NOM1: variants seen among roughly 807,000 people sequenced by gnomAD.
The protein encoded by NOM1 is nucleolar protein with MIF4G domain 1.
A neutral mutation model predicts 73.3 loss-of-function variants in NOM1; 58 were observed. That is an observed-to-expected ratio of 0.79 (90% CI 0.64 to 0.99). The LOEUF (loss-of-function observed/expected upper bound fraction) is 0.99. Among genes scored for constraint, NOM1 ranks in the 50% least tolerant of loss-of-function variants. NOM1 has a pLI of 0.00. For missense variants in NOM1, 1,226 were observed against 1,131.9 expected (o/e 1.08, Z -1.19); for synonymous variants, 487 against 446.8 (o/e 1.09, Z -1.14).
chr7:156,953,567 T>C (rs1462529726), intron 2 of NOM1, among the ~76,000 whole-genome samples: 1 of 152,062 alleles, frequency 6.6e-6, no homozygotes, highest in Non-Finnish European at 1.5e-5. Context: ...TTTCCTGTTA[T>C]CCTGGGAATT....
intron 1 of NOM1, 64 bp downstream of exon 1, chr7:156,950,788 G>T: frequency 7.1e-7 from 1 of 1,409,148 alleles, no homozygotes; most frequent in Non-Finnish European, 9.6e-7. Context: ...CAGGGAATGG[G>T]GCGTGAGGCA....
intron 5 of NOM1, among the ~76,000 whole-genome samples, 198 bp downstream of exon 5, chr7:156,962,459 C>G (rs1041867916): frequency 6.6e-6 from 1 of 152,162 alleles, no homozygotes; most frequent in Admixed American, 6.5e-5. Context: ...GCAGAATGTC[C>G]GTGTGTGGGG....
At chr7:156,960,915 A>G (rs917358624) in intron 4 of NOM1, among the ~76,000 whole-genome samples, 1 of 152,062 alleles carries the variant, frequency 6.6e-6, no homozygotes, top group African/African-American at 2.4e-5. Context: ...GTCAGAAGTG[A>G]CCAGACCTCA....
rs559090008 is a variant in NOM1 at position 156,969,638 on chromosome 7, G to A, written c.2518G>A (p.Val840Met). 22 of 1,613,780 alleles carry A rather than the reference G, an allele frequency of 1.4e-5. No individual in the cohort carries two copies. In the Admixed American group the frequency reaches 2.0e-4, roughly 15 times the overall value. ...CCACAGAAGCGCCGACGAAGCCAAC[G>A]TGCTGAGAGAGAAAGCTGACCTTGC... is the stretch of plus-strand genomic sequence containing the variant. ...QAHRSADEAN[V>M]LREKADLATK... Residue 840 changes from valine (V) to methionine (M), a missense_variant, in exon 11 of 11, where the codon GTG becomes ATG. Coordinates refer to ENST00000275820, the MANE Select transcript of NOM1 (RefSeq NM_138400.2).
In NOM1 at chr7:156,962,954, G is replaced by A. The variant is rs1028363306; in HGVS notation, c.1744-54G>A. ...AAACAAAAAGCCACCGGTGATGGAA[G>A]GACGGAATATGAACCAATTAAAAGC... On this transcript the variant is annotated intron_variant, in intron 5 of 10. Transcript: ENST00000275820. 3 of 1,559,506 alleles carry A rather than the reference G, an allele frequency of 1.9e-6. No homozygotes were observed. In the East Asian group the frequency reaches 6.8e-5, roughly 36 times the overall value.
chr7:156,957,130 A>G (rs937064473), intron 3 of NOM1, among the ~76,000 whole-genome samples: 6 of 152,252 alleles, frequency 3.9e-5, no homozygotes, highest in Non-Finnish European at 8.8e-5. Flanking sequence ...TCATTACAGT[A>G]CTTTAGTTAA....
chr7:156,951,860 C>T (rs937271299), intron 1 of NOM1, among the ~76,000 whole-genome samples: 1 of 152,046 alleles, frequency 6.6e-6, no homozygotes, highest in Non-Finnish European at 1.5e-5. Context: ...GCGCCCACCA[C>T]CATGCCCGGC....
intron 3 of NOM1, chr7:156,958,604 A>G (rs1804785187): frequency 6.6e-6 from 1 of 152,214 alleles, no homozygotes; most frequent in Non-Finnish European, 1.5e-5. Context: ...TCTTTTACAC[A>G]GTGAAAAAAC....
At position 156,966,405 on chromosome 7, in the gene NOM1, A is replaced by G; in HGVS notation, c.2166+3A>G. 1 of 1,614,096 alleles carries G rather than the reference A, an allele frequency of 6.2e-7. No homozygotes were observed. On this transcript the variant is annotated splice_donor_region_variant and intron_variant, in intron 8 of 10. Coordinates refer to ENST00000275820, the MANE Select transcript of NOM1 (RefSeq NM_138400.2). ...GTGAATATGAAAGGAGATTTCAGGTAGCTTAGTGCGGAGGCACCAGTTACG... is the reference window on the plus strand; with the variant it reads ...GTGAATATGAAAGGAGATTTCAGGTGGCTTAGTGCGGAGGCACCAGTTACG...
At chr7:156,968,241 A>G (rs547128342) in intron 9 of NOM1, among the ~76,000 whole-genome samples, 1 of 152,124 alleles carries the variant, frequency 6.6e-6, no homozygotes, top group Non-Finnish European at 1.5e-5. Flanking sequence ...CATTGCGCTC[A>G]TCCTGGAACA....
chr7:156,950,812 C>T, intron 1 of NOM1, 88 bp downstream of exon 1: 1 of 1,164,958 alleles, frequency 8.6e-7, no homozygotes, highest in Non-Finnish European at 1.2e-6. Flanking sequence ...ATGACACAGA[C>T]TTGGTGTCTT....
At position 156,950,608 on chromosome 7, in the gene NOM1, CAG is replaced by C. The variant is rs779388601; in HGVS notation, c.872_873del (p.Gln291ArgfsTer23). 64 of 1,572,864 alleles carry C rather than the reference CAG, an allele frequency of 4.1e-5. No homozygotes were observed. Among genetic ancestry groups the C allele is most frequent in the Admixed American group, 5.7e-5 (3 of 52,390 alleles). On this transcript the variant is annotated frameshift_variant, in exon 1 of 11. Transcript: ENST00000275820. LOFTEE classifies it high-confidence loss of function. Reference sequence around the variant, plus strand: ...CGACGACGAGGATACAGAAGAGGAACAGGGGGAAGAAAAGGAAAAGGGAGCGC... The same window carrying C: ...CGACGACGAGGATACAGAAGAGGAACGGGGAAGAAAAGGAAAAGGGAGCGC... ...EDDDEDTEEE[Q>X]GEEKEKGAQE...
At chr7:156,959,163 C>T (rs952674143) in intron 3 of NOM1, among the ~76,000 whole-genome samples, 10 of 151,354 alleles carry the variant, frequency 6.6e-5, no homozygotes, top group African/African-American at 1.9e-4. Flanking sequence ...AGTACAGTGG[C>T]GCAATCTCAG....
rs768902140 is a variant in NOM1 at position 156,950,481 on chromosome 7, A to G, written c.744A>G (p.Glu248=). 6.8e-6 allele frequency: 11 copies of G among 1,613,982 alleles called. No individual in the cohort carries two copies. In the South Asian group the frequency reaches 1.2e-4, roughly 18 times the overall value. The change falls in exon 1 of 11, where the codon GAA becomes GAG. Residue 248 remains glutamate, a synonymous_variant. Transcript: ENST00000275820. ...AAGATGCCGGACAGACACTCCCCGA[A>G]AGTGACTTAGAGAGTGACTCCCAGG... The part of the protein sequence containing the change: ...EEEDAGQTLP[E]SDLESDSQDE...
At chr7:156,964,862 TGAG>T (rs1276814725) in intron 7 of NOM1, among the ~76,000 whole-genome samples, 1 of 152,220 alleles carries the variant, frequency 6.6e-6, no homozygotes, top group African/African-American at 2.4e-5. Context: ...AGGGCTCTTT[TGAG>T]GAGAACTCTT....
chr7:156,959,253 C>T (rs1586569519), intron 3 of NOM1, among the ~76,000 whole-genome samples: 1 of 150,616 alleles, frequency 6.6e-6, no homozygotes, highest in Non-Finnish European at 1.5e-5. Flanking sequence ...CAGGCATATG[C>T]CACCACGCCC....
rs552456263 is a variant in NOM1, at chr7:156,963,175, G to A, written c.1911G>A (p.Thr637=). The part of the protein sequence containing the change: ...HTHLQKQLVG[T]VSSKILELAR... Reference sequence around the variant, plus strand: ...ACCTGCAGAAGCAGCTTGTGGGGACGGTAGGGACACCCATGCTCAAGGCTG... The same window carrying A: ...ACCTGCAGAAGCAGCTTGTGGGGACAGTAGGGACACCCATGCTCAAGGCTG... Residue 637 remains threonine (T), a splice_region_variant and synonymous_variant, in exon 6 of 11, where the codon ACG becomes ACA. Coordinates refer to ENST00000275820, the MANE Select transcript of NOM1 (RefSeq NM_138400.2). 28 of 1,613,960 alleles carry A rather than the reference G, an allele frequency of 1.7e-5. No individual in the cohort carries two copies. Among genetic ancestry groups the A allele is most frequent in the East Asian group, 4.5e-5 (2 of 44,876 alleles).
chr7:156,966,833 TAA>T (rs1243443532), intron 8 of NOM1, 126 bp from the exon 9 acceptor site: 10 of 1,036,280 alleles, frequency 9.6e-6, no homozygotes, highest in Non-Finnish European at 1.4e-5. Context: ...AGGCCACCAC[TAA>T]AAGTCTTGAT....
rs185940123 is a variant in NOM1 at position 156,973,003 on chromosome 7, G to A, written c.*3300G>A. ...TTGAAAATACACTTAAAATACTGCAGGATGCTTAGTGCTCAGTGTTATGTA... is the reference window on the plus strand; with the variant it reads ...TTGAAAATACACTTAAAATACTGCAAGATGCTTAGTGCTCAGTGTTATGTA... On this transcript the variant is annotated 3_prime_UTR_variant, in exon 11 of 11. Transcript: ENST00000275820. The A allele has an allele frequency of 3.9e-5, 6 of 152,302 alleles. No homozygotes were observed. The highest frequency in any genetic ancestry group is 8.8e-5 in the Non-Finnish European group (6 of 68,034). 9.4% of individuals were successfully genotyped at this position (152,302 alleles called of 1,614,324 possible).
Sources: gnomAD v4.1 joint callset for allele counts (sites outside exome capture counted in the v4.1 genomes callset) on GRCh38, gnomAD v4.1.1 for gene constraint, MANE v1.5 for transcripts, NCBI Gene and HGNC (gene_info 2026-07-23, HGNC 2026-07-21) for gene names.